The following FNBP1L variants were observed in gnomAD, a reference collection of about 807,000 sequenced individuals.
FNBP1L encodes formin-binding protein 1-like.
Under a neutral mutation model 91.2 loss-of-function variants are expected in FNBP1L, and 36 were observed. The ratio of observed to expected loss-of-function variants is 0.39; its 90% CI spans 0.30 to 0.52. The LOEUF is 0.52. Ranked by LOEUF, FNBP1L falls within the 20% of genes least tolerant of loss-of-function variation. The pLI is 0.66. For missense variants in FNBP1L, 571 were observed against 732.1 expected (o/e 0.78, Z 2.54); for synonymous variants, 242 against 237.0 (o/e 1.02, Z -0.19).
At chr1:93,518,317 A>G (rs1557805940) in intron 2 of FNBP1L, among the ~76,000 whole-genome samples, 1 of 152,128 alleles carries the variant, frequency 6.6e-6, no homozygotes, top group Non-Finnish European at 1.5e-5. Context: ...CTTTCCCCTT[A>G]TGGTTTCAAG....
chr1:93,538,854 TTC>T (rs1347687044), intron 10 of FNBP1L, among the ~76,000 whole-genome samples: 4 of 152,108 alleles, frequency 2.6e-5, no homozygotes, highest in African/African-American at 9.6e-5. Flanking sequence ...TTATGATTTT[TTC>T]TTTTTCTTTT....
chr1:93,514,317 A>T (rs1211219445), intron 2 of FNBP1L, among the ~76,000 whole-genome samples: 1 of 151,954 alleles, frequency 6.6e-6, no homozygotes, highest in Non-Finnish European at 1.5e-5. Context: ...AGGAAGAATC[A>T]ATATCGTGAA....
chr1:93,457,076 T>G (rs566827524), intron 1 of FNBP1L, among the ~76,000 whole-genome samples: 104 of 152,150 alleles, frequency 6.8e-4, no homozygotes, highest in African/African-American at 2.3e-3. Context: ...TTTGTAGAGA[T>G]AGCGTTTAGC....
Position 93,499,332 on chromosome 1 carries a change from G to A in FNBP1L, c.25-136G>A, listed in dbSNP as rs376011766. The A allele has an allele frequency of 6.2e-6, 4 of 641,046 alleles. No individual in the cohort carries two copies. In the East Asian group the frequency reaches 1.1e-4, roughly 18 times the overall value. 39.7% of individuals were successfully genotyped at this position (641,046 alleles called of 1,614,324 possible). A position where few individuals can be genotyped will look rare whatever the true frequency, so the allele number is the denominator to read the frequency against. On this transcript the variant is annotated intron_variant, in intron 1 of 16. Transcript: ENST00000271234. ...ATTTCTAGGTCTTAAAGGGTGAAGTGGGGGAGCTAGTAGAAGAGCCTGGGT... is the reference window on the plus strand; with the variant it reads ...ATTTCTAGGTCTTAAAGGGTGAAGTAGGGGAGCTAGTAGAAGAGCCTGGGT...
intron 10 of FNBP1L, among the ~76,000 whole-genome samples, chr1:93,538,195 A>G (rs1047105917): frequency 3.3e-5 from 5 of 149,348 alleles, no homozygotes; most frequent in African/African-American, 7.4e-5. Flanking sequence ...AATTCTAAGG[A>G]AAAAAAAAAC....
chr1:93,483,872 G>C (rs939128221), intron 1 of FNBP1L, among the ~76,000 whole-genome samples: 1 of 152,188 alleles, frequency 6.6e-6, no homozygotes, highest in African/African-American at 2.4e-5. Context: ...AGGGAACAAA[G>C]CTAATTAAGT....
chr1:93,551,968 A>G, intron 16 of FNBP1L: 1 of 989,472 alleles, frequency 1.0e-6, no homozygotes, highest in Non-Finnish European at 1.2e-6. Flanking sequence ...ACATTTGAAG[A>G]TAGAGGAAAC....
At chr1:93,451,848 C>T (rs1370922622) in intron 1 of FNBP1L, among the ~76,000 whole-genome samples, 4 of 152,080 alleles carry the variant, frequency 2.6e-5, no homozygotes, top group Non-Finnish European at 4.4e-5. Context: ...AACAGGTTTT[C>T]ACCACGTTGG....
chr1:93,552,008 T>C, intron 16 of FNBP1L: 1 of 1,000,228 alleles, frequency 1.0e-6, no homozygotes, highest in Non-Finnish European at 1.2e-6. Context: ...TTGACAAATT[T>C]TAATTTTTAA....
intron 5 of FNBP1L, 38 bp from the exon 6 acceptor site, chr1:93,529,614 T>A: frequency 8.1e-7 from 1 of 1,237,096 alleles, no homozygotes; most frequent in Non-Finnish European, 1.1e-6. Context: ...TTAGCCTGAT[T>A]TTATTTTCTC....
At chr1:93,547,563 G>C in intron 14 of FNBP1L, 122 bp downstream of exon 14, 1 of 765,638 alleles carries the variant, frequency 1.3e-6, no homozygotes. Context: ...AGTAACCTCA[G>C]TCTTTTGAAC....
At position 93,535,687 on chromosome 1, in the gene FNBP1L, G is replaced by A. The variant is rs375410292; in HGVS notation, c.991-645G>A. ...TTATAATATACCTGTATCTTTAAAA[G>A]CACAATTATAATTAACTCATGCTTT... On this transcript the variant is annotated intron_variant, in intron 9 of 16. Transcript: ENST00000271234. Among the ~76,000 whole-genome samples, 64 of 151,870 alleles carry A rather than the reference G, an allele frequency of 4.2e-4. 1 individual carries two copies. The South Asian group carries it at 4.8e-3, about 11-fold the overall frequency.
intron 2 of FNBP1L, among the ~76,000 whole-genome samples, chr1:93,508,568 A>G (rs1670711465): frequency 6.6e-6 from 1 of 152,104 alleles, no homozygotes; most frequent in African/African-American, 2.4e-5. Flanking sequence ...ACATACAGGG[A>G]GGCAAGAGGA....
At chr1:93,477,320 T>C (rs1275306056) in intron 1 of FNBP1L, among the ~76,000 whole-genome samples, 12 of 152,210 alleles carry the variant, frequency 7.9e-5, no homozygotes, top group Non-Finnish European at 1.8e-4. Flanking sequence ...CTGAGACACA[T>C]GTATAATATG....
At chr1:93,505,885 A>T (rs1285191930) in intron 2 of FNBP1L, among the ~76,000 whole-genome samples, 1 of 152,012 alleles carries the variant, frequency 6.6e-6, no homozygotes. Context: ...TACCATATTG[A>T]CCAGGCTGGT....
At chr1:93,448,878 C>A (rs1321226032) in intron 1 of FNBP1L, among the ~76,000 whole-genome samples, 1 of 152,024 alleles carries the variant, frequency 6.6e-6, no homozygotes, top group African/African-American at 2.4e-5. Context: ...CTCGGGCCAG[C>A]CAGGCCCAGC....
intron 1 of FNBP1L, among the ~76,000 whole-genome samples, chr1:93,473,249 T>C (rs1196690091): frequency 6.6e-6 from 1 of 152,216 alleles, no homozygotes; most frequent in Non-Finnish European, 1.5e-5. Context: ...TCAAAAATCT[T>C]TCTGAAAGAT....
At chr1:93,488,194 A>G (rs1276750193) in intron 1 of FNBP1L, 1 of 152,156 alleles carries the variant, frequency 6.6e-6, no homozygotes, top group Non-Finnish European at 1.5e-5. Flanking sequence ...TCTGGACCAA[A>G]CTAGCTCATC....
chr1:93,473,636 A>G (rs887158267), intron 1 of FNBP1L, among the ~76,000 whole-genome samples: 2 of 152,242 alleles, frequency 1.3e-5, no homozygotes, highest in African/African-American at 2.4e-5. Context: ...TACACTGGAT[A>G]GGATGTCTTA....
Sources: allele counts gnomAD v4.1 joint callset (sites outside exome capture counted in the v4.1 genomes callset), GRCh38; gene constraint gnomAD v4.1.1; transcripts MANE v1.5; gene names NCBI Gene and HGNC (gene_info 2026-07-23, HGNC 2026-07-21).